DNMT1: variants seen among roughly 807,000 people sequenced by gnomAD.
DNMT1 encodes DNA (cytosine-5)-methyltransferase 1.
DNMT1 carries 24 observed loss-of-function variants against 205.3 expected under a neutral mutation model. The observed-to-expected ratio is 0.12, with a 90% CI of 0.08 to 0.16. DNMT1 has a LOEUF of 0.16. DNMT1 is among the 10% of genes least tolerant of loss of function. The pLI, the probability that DNMT1 is intolerant of heterozygous loss-of-function variation, is 1.00. For missense variants in DNMT1, 1,293 were observed against 2,177.7 expected (o/e 0.59, Z 8.09); for synonymous variants, 817 against 839.8 (o/e 0.97, Z 0.47).
intron 22 of DNMT1, among the ~76,000 whole-genome samples, chr19:10,153,109 T>C (rs1390625844): frequency 6.6e-6 from 1 of 152,158 alleles, no homozygotes; most frequent in Non-Finnish European, 1.5e-5. Flanking sequence ...GAGAGCAATC[T>C]TCTAGATCAA....
At position 10,194,806 on chromosome 19, in the gene DNMT1, C is replaced by T. The variant is rs766958409; in HGVS notation, c.80+14G>A. Reference sequence around the variant, plus strand: ...CTGTCCCCCTGAGTCCGTGTTCCCCCCCATGGTACCTACCGCCTGCGGACA... The same window carrying T: ...CTGTCCCCCTGAGTCCGTGTTCCCCTCCATGGTACCTACCGCCTGCGGACA... On this transcript the variant is annotated intron_variant, in intron 1 of 40. Transcript: ENST00000359526. 3.1e-6 allele frequency: 5 copies of T among 1,611,264 alleles called. 1 individual carries two copies. The highest frequency in any genetic ancestry group is 4.2e-6 in the Non-Finnish European group (5 of 1,179,030).
intron 24 of DNMT1, among the ~76,000 whole-genome samples, chr19:10,150,538 G>A (rs1041055356): frequency 2.6e-5 from 4 of 152,218 alleles, no homozygotes; most frequent in African/African-American, 9.6e-5. Flanking sequence ...CAGTACCCAT[G>A]TCTGTCCTCC....
In DNMT1 at chr19:10,194,934, C is replaced by A; in HGVS notation, c.-35G>T. 1.3e-6 allele frequency: 2 copies of A among 1,587,034 alleles called. No individual in the cohort carries two copies. The highest frequency in any genetic ancestry group is 1.7e-6 in the Non-Finnish European group (2 of 1,167,396). ...TTCAGCAGACGCGGCGGCGGCAGCG[C>A]AGGCGCCCCGGCTTTTCGCGCGGAA... On this transcript the variant is annotated 5_prime_UTR_variant, in exon 1 of 41. Transcript: ENST00000359526.
chr19:10,146,255 A>G lies in DNMT1; in HGVS notation c.2894+96T>C. 6.9e-7 allele frequency: 1 copy of G among 1,449,862 alleles called. No homozygotes were observed. The highest frequency in any genetic ancestry group is 9.5e-7 in the Non-Finnish European group (1 of 1,056,252). The allele number at this position is 1,449,862 out of a possible 1,614,324, so 89.8% of individuals were successfully genotyped here. The stretch of plus-strand genomic sequence containing the variant: ...ACGGCTAGGACAACAGCTGGTGCGG[A>G]GGGATTGGCAATGTCTGTAAGGAGG... On this transcript the variant is annotated intron_variant, in intron 28 of 40. Transcript: ENST00000359526. This position sits in a 1 kb window ranked among gnomAD's most constrained non-coding sequence, Gnocchi z 4.4.
At chr19:10,144,882 G>A (rs1342122755) in intron 28 of DNMT1, 2 of 152,224 alleles carry the variant, frequency 1.3e-5, no homozygotes, top group Admixed American at 1.3e-4. Flanking sequence ...GGGATTACAG[G>A]TGCCCACCAC....
intron 8 of DNMT1, 68 bp downstream of exon 8, chr19:10,173,803 G>A: frequency 1.9e-6 from 3 of 1,581,872 alleles, no homozygotes; most frequent in Non-Finnish European, 2.6e-6. Flanking sequence ...TAAACTTTCT[G>A]AAAAAGTTTT....
chr19:10,164,210 T>C (rs994015908), intron 11 of DNMT1, among the ~76,000 whole-genome samples: 1 of 152,146 alleles, frequency 6.6e-6, no homozygotes, highest in Non-Finnish European at 1.5e-5. Flanking sequence ...AGTGCAATGG[T>C]ATGATCTTGG....
At chr19:10,173,332 T>C (rs2038864043) in intron 8 of DNMT1, among the ~76,000 whole-genome samples, 158 bp from the exon 9 acceptor site, 1 of 152,122 alleles carries the variant, frequency 6.6e-6, no homozygotes, top group African/African-American at 2.4e-5. Flanking sequence ...TTGATATGAC[T>C]TTTACACCTG....
chr19:10,135,447 A>C, intron 39 of DNMT1: 1 of 477,996 alleles, frequency 2.1e-6, no homozygotes, highest in East Asian at 3.8e-5. Flanking sequence ...ACAGCGAGTG[A>C]GCTGTCGCCA....
intron 9 of DNMT1, among the ~76,000 whole-genome samples, chr19:10,168,660 C>A (rs2038741485): frequency 1.3e-5 from 2 of 152,042 alleles, no homozygotes; most frequent in Admixed American, 1.3e-4. Flanking sequence ...ACTGCAGTTT[C>A]AGTATTTTTA....
intron 1 of DNMT1, among the ~76,000 whole-genome samples, chr19:10,193,247 C>G (rs1017613608): frequency 2.0e-5 from 3 of 152,090 alleles, no homozygotes; most frequent in Non-Finnish European, 4.4e-5. Flanking sequence ...GTGGTCCCAG[C>G]TACTCAGGAG....
intron 29 of DNMT1, 42 bp downstream of exon 29, chr19:10,143,724 A>T: frequency 6.2e-7 from 1 of 1,609,170 alleles, no homozygotes. Flanking sequence ...AGCCTTCTAG[A>T]AGAGTCTGTG....
rs542037806 is a variant in DNMT1, at chr19:10,134,361, G to A, written c.4774-54C>T. The A allele has an allele frequency of 3.5e-5, 54 of 1,542,994 alleles. No homozygotes were observed. The African/African-American group carries it at 3.5e-4, about 10-fold the overall frequency. Reference sequence around the variant, plus strand: ...ATGTGGACACCCAGGCCCAAGGCCCGGGGGCAGGTGTACTGCCAGCCCCTG... The same window carrying A: ...ATGTGGACACCCAGGCCCAAGGCCCAGGGGCAGGTGTACTGCCAGCCCCTG... On this transcript the variant is annotated intron_variant, in intron 39 of 40. Transcript: ENST00000359526.
rs766038982 is a variant in DNMT1 at position 10,160,091 on chromosome 19, C to A, written c.1044-28G>T. 10 of 1,611,308 alleles carry A rather than the reference C, an allele frequency of 6.2e-6. No homozygotes were observed. The African/African-American group carries it at 1.1e-4, about 17-fold the overall frequency. ...GGGGGAAAAAAAAAAATCACAAGAT[C>A]GTTTGTTTAATTGTTTCAGAAAATA... On this transcript the variant is annotated intron_variant, in intron 14 of 40. Transcript: ENST00000359526.
intron 27 of DNMT1, among the ~76,000 whole-genome samples, chr19:10,147,409 C>A (rs1352089845): frequency 6.6e-6 from 1 of 151,720 alleles, no homozygotes; most frequent in Non-Finnish European, 1.5e-5. Flanking sequence ...TCAGGAGTTC[C>A]AGACCAGCCT....
At chr19:10,134,447 A>C in intron 39 of DNMT1, 140 bp from the exon 40 acceptor site, 1 of 728,100 alleles carries the variant, frequency 1.4e-6, no homozygotes, top group Non-Finnish European at 2.3e-6. Flanking sequence ...TCCTGCTCAC[A>C]TGGGCCCAAA....
rs1192879607 is a variant in DNMT1, at chr19:10,137,508, G to A, written c.4294-228C>T. On this transcript the variant is annotated intron_variant, in intron 36 of 40. Transcript: ENST00000359526. This position sits in a 1 kb window ranked among gnomAD's most constrained non-coding sequence, Gnocchi z 6.4. ...AATCTAAGCTGAGCCTTTAGGGTGG[G>A]GGAAGGGGAGTGGTGCCAGGGGATG... The A allele has an allele frequency of 9.3e-6, 6 of 645,764 alleles. No individual in the cohort carries two copies. In the East Asian group the frequency reaches 1.6e-4, roughly 18 times the overall value. The allele number at this position is 645,764 out of a possible 1,614,324, so 40.0% of individuals were successfully genotyped here. A position where few individuals can be genotyped will look rare whatever the true frequency, so the allele number is the denominator to read the frequency against.
chr19:10,175,684 G>A (rs1299735760), intron 6 of DNMT1, 66 bp from the exon 7 acceptor site: 2 of 1,462,460 alleles, frequency 1.4e-6, no homozygotes, highest in East Asian at 4.5e-5. Context: ...GGCCTGAAGT[G>A]GACCCTCATT....
rs533075876 is a variant in DNMT1, at chr19:10,136,303, G to T, written c.4490-16C>A. The T allele has an allele frequency of 1.5e-5, 24 of 1,613,452 alleles. No individual in the cohort carries two copies. The South Asian group carries it at 2.5e-4, about 17-fold the overall frequency. On this transcript the variant is annotated splice_polypyrimidine_tract_variant and intron_variant, in intron 37 of 40. Coordinates refer to ENST00000359526, the MANE Select transcript of DNMT1 (RefSeq NM_001130823.3). ...GCTTTGCCGGCTGGAAGACAGGACA[G>T]TGATGAGGCTGCAGTTGTGGGATGG...
Sources: gnomAD v4.1 joint callset for allele counts (sites outside exome capture counted in the v4.1 genomes callset) on GRCh38, gnomAD v4.1.1 for gene constraint, Gnocchi (gnomAD v3.1) non-coding constraint, MANE v1.5 for transcripts, NCBI Gene and HGNC (gene_info 2026-07-23, HGNC 2026-07-21) for gene names.